The following SOS2 variants were observed in gnomAD, a reference collection of about 807,000 sequenced individuals.
SOS2 encodes the protein son of sevenless homolog 2.
Under a neutral mutation model 148.2 loss-of-function variants are expected in SOS2, and 65 were observed. The observed-to-expected ratio is 0.44, with a 90% CI of 0.36 to 0.54. SOS2 has a LOEUF of 0.54. Ranked by LOEUF, SOS2 falls within the 20% of genes least tolerant of loss-of-function variation. The pLI is 0.00. For missense variants in SOS2, 1,341 were observed against 1,590.2 expected (o/e 0.84, Z 2.67); for synonymous variants, 539 against 537.1 (o/e 1.00, Z -0.05).
chr14:50,181,371 C>T (rs1157995693), intron 6 of SOS2, among the ~76,000 whole-genome samples: 3 of 151,730 alleles, frequency 2.0e-5, no homozygotes, highest in Non-Finnish European at 4.4e-5. Context: ...TGGCTTGAAC[C>T]TGAGAGGCAG....
intron 5 of SOS2, among the ~76,000 whole-genome samples, chr14:50,187,118 C>T (rs1303880382): frequency 2.0e-5 from 3 of 151,400 alleles, no homozygotes; most frequent in Non-Finnish European, 2.9e-5. Flanking sequence ...TCAAGCAAAT[C>T]TCTCACTTCA....
intron 1 of SOS2, among the ~76,000 whole-genome samples, chr14:50,212,230 C>T (rs190492699): frequency 0.014 from 2,057 of 152,354 alleles, 19 homozygotes; most frequent in Non-Finnish European, 0.02. Flanking sequence ...AATCCCAGCA[C>T]TTTGGGAGGC....
At chr14:50,178,644 G>T (rs918008603) in intron 7 of SOS2, among the ~76,000 whole-genome samples, 1 of 141,788 alleles carries the variant, frequency 7.1e-6, no homozygotes, top group African/African-American at 2.7e-5. Context: ...CACCATGCCC[G>T]CTAGTGTGTG....
At chr14:50,121,209 GATAA>G (rs1231428892) in intron 21 of SOS2, among the ~76,000 whole-genome samples, 1 of 152,064 alleles carries the variant, frequency 6.6e-6, no homozygotes, top group African/African-American at 2.4e-5. Flanking sequence ...TTTACAAAAT[GATAA>G]ATGACAGGAA....
chr14:50,209,284 T>TGTGTGTGTGTGTGTGTGA (rs1886783452), intron 1 of SOS2, among the ~76,000 whole-genome samples: 1 of 88,936 alleles, frequency 1.1e-5, no homozygotes, highest in Non-Finnish European at 2.2e-5. Context: ...CGTGTGTGTG[T>TGTGTGTGTGTGTGTGTGA]GTGTGTGTGT....
At chr14:50,215,299 GT>G (rs766286609) in intron 1 of SOS2, 1 of 974,442 alleles carries the variant, frequency 1.0e-6, no homozygotes, top group Non-Finnish European at 1.4e-6. Flanking sequence ...AAGCATCAAA[GT>G]TTCTTATGCC....
At chr14:50,123,586 T>C (rs1290982261) in intron 21 of SOS2, among the ~76,000 whole-genome samples, 1 of 152,080 alleles carries the variant, frequency 6.6e-6, no homozygotes, top group Non-Finnish European at 1.5e-5. Context: ...TTTCACCATG[T>C]TGGCCAGGCT....
At chr14:50,152,259 T>C (rs1884681626) in intron 13 of SOS2, among the ~76,000 whole-genome samples, 1 of 152,128 alleles carries the variant, frequency 6.6e-6, no homozygotes, top group African/African-American at 2.4e-5. Context: ...TGATGACACA[T>C]TTGTTTAAAT....
At chr14:50,122,901 T>C (rs1883564427) in intron 21 of SOS2, among the ~76,000 whole-genome samples, 1 of 152,210 alleles carries the variant, frequency 6.6e-6, no homozygotes, top group Non-Finnish European at 1.5e-5. Flanking sequence ...CATTCAACAG[T>C]TATTGGGCAC....
chr14:50,175,737 T>C (rs1885502266), intron 7 of SOS2, among the ~76,000 whole-genome samples: 1 of 152,124 alleles, frequency 6.6e-6, no homozygotes, highest in Non-Finnish European at 1.5e-5. Context: ...ATTTTAAATG[T>C]CTATATAGTT....
chr14:50,193,623 A>G (rs536664311), intron 4 of SOS2, among the ~76,000 whole-genome samples: 1 of 152,308 alleles, frequency 6.6e-6, no homozygotes, highest in Admixed American at 6.5e-5. Flanking sequence ...TAATTTATTA[A>G]ACAAATGGTC....
intron 1 of SOS2, among the ~76,000 whole-genome samples, chr14:50,219,358 A>T (rs549354162): frequency 6.6e-6 from 1 of 152,352 alleles, no homozygotes; most frequent in South Asian, 2.1e-4. Flanking sequence ...AAAGGAATGA[A>T]CTATTGATAC....
intron 14 of SOS2, among the ~76,000 whole-genome samples, chr14:50,149,203 T>C (rs1333440418): frequency 6.6e-6 from 1 of 152,180 alleles, no homozygotes; most frequent in Non-Finnish European, 1.5e-5. Context: ...GCCAAGCACA[T>C]TTATATTTTA....
intron 1 of SOS2, among the ~76,000 whole-genome samples, chr14:50,212,104 A>G (rs1886891040): frequency 6.6e-6 from 1 of 152,232 alleles, no homozygotes; most frequent in Admixed American, 6.5e-5. Context: ...TTAAATACAA[A>G]AATAAAAAAT....
chr14:50,193,061 A>G (rs1250559272), intron 4 of SOS2, among the ~76,000 whole-genome samples: 1 of 151,900 alleles, frequency 6.6e-6, no homozygotes, highest in Admixed American at 6.6e-5. Context: ...TATAGCCTCA[A>G]TGTCCTAGGC....
At chr14:50,209,572 G>T (rs1471872452) in intron 1 of SOS2, among the ~76,000 whole-genome samples, 1 of 151,950 alleles carries the variant, frequency 6.6e-6, no homozygotes, top group Non-Finnish European at 1.5e-5. Context: ...TTCAAGACCA[G>T]TCTGGGCAAC....
Position 50,189,139 on chromosome 14 carries a change from A to G in SOS2, c.511-439T>C, listed in dbSNP as rs568882196. Among the ~76,000 whole-genome samples, 9 of 150,896 alleles carry G rather than the reference A, an allele frequency of 6.0e-5. No homozygotes were observed. In the South Asian group the frequency reaches 1.7e-3, roughly 28 times the overall value. ...TATTACACAATGAGTTGTGTGTATT[A>G]TAAGTAAATTTATATGATAAAACCT... is the stretch of plus-strand genomic sequence containing the variant. On this transcript the variant is annotated intron_variant, in intron 4 of 22. Coordinates refer to ENST00000216373, the MANE Select transcript of SOS2 (RefSeq NM_006939.4).
intron 1 of SOS2, among the ~76,000 whole-genome samples, chr14:50,226,338 T>C (rs981946565): frequency 6.6e-6 from 1 of 152,228 alleles, no homozygotes; most frequent in Non-Finnish European, 1.5e-5. Flanking sequence ...GACTCTCATA[T>C]ATCAATGACA....
chr14:50,156,919 T>C lies in SOS2; in HGVS notation c.2057+80A>G, dbSNP rs537104084. On this transcript the variant is annotated intron_variant, in intron 12 of 22. Transcript: ENST00000216373. ...GAGAGCTTTTGTGTTAACTATATAT[T>C]GAAAACTGACACATAAAATGTGTGT... The C allele has an allele frequency of 3.0e-5, 25 of 837,512 alleles. No individual in the cohort carries two copies. In the African/African-American group the frequency reaches 3.2e-4, roughly 11 times the overall value. The allele number at this position is 837,512 out of a possible 1,614,324, so 51.9% of individuals were successfully genotyped here. A position where few individuals can be genotyped will look rare whatever the true frequency, so the allele number is the denominator to read the frequency against.
Sources: gnomAD v4.1 joint callset for allele counts (sites outside exome capture counted in the v4.1 genomes callset) on GRCh38, gnomAD v4.1.1 for gene constraint, MANE v1.5 for transcripts, NCBI Gene and HGNC (gene_info 2026-07-23, HGNC 2026-07-21) for gene names.